Variants in HMCN2 observed in about 807,000 individuals in gnomAD.
HMCN2 encodes the protein hemicentin-2.
Under a neutral mutation model 377.5 loss-of-function variants are expected in HMCN2, and 325 were observed. That is an observed-to-expected ratio of 0.86 (90% confidence interval 0.79 to 0.94). HMCN2 has a LOEUF of 0.94. Ranked by LOEUF, HMCN2 falls within the 40% of genes least tolerant of loss-of-function variation. HMCN2 has a pLI of 0.00. For synonymous variants in HMCN2, 2,007 were observed against 2,046.8 expected (o/e 0.98, Z 0.53); for missense variants, 4,543 against 4,725.3 (o/e 0.96, Z 1.13).
rs1467872224 is a variant in HMCN2 at position 130,428,044 on chromosome 9, C to CCTG, written c.14066-312_14066-310dup. On this transcript the variant is annotated intron_variant, in intron 92 of 97. Transcript: ENST00000683500. This position sits in a 1 kb window ranked among gnomAD's most constrained non-coding sequence, Gnocchi z 5.0. ...CTGACGCTGACCCCCAGTCTGCATC[C>CCTG]CTGCACTCCCACCGGGAGGGCCTGG... is the stretch of plus-strand genomic sequence containing the variant. 6.6e-6 allele frequency among the ~76,000 whole-genome samples: 1 copy of CCTG among 152,188 alleles called. No individual in the cohort carries two copies. The highest frequency in any genetic ancestry group is 1.5e-5 in the Non-Finnish European group (1 of 68,026).
intron 49 of HMCN2, among the ~76,000 whole-genome samples, 160 bp downstream of exon 49, chr9:130,374,853 C>T (rs968121089): frequency 6.6e-6 from 1 of 152,202 alleles, no homozygotes; most frequent in African/African-American, 2.4e-5. Flanking sequence ...ATTGACGGAA[C>T]ATTTATTATG....
chr9:130,302,468 T>C (rs1482200779), intron 8 of HMCN2, among the ~76,000 whole-genome samples: 2 of 152,200 alleles, frequency 1.3e-5, no homozygotes, highest in African/African-American at 2.4e-5. Flanking sequence ...TCCTAGTTGG[T>C]AGCATTTCAT....
At chr9:130,359,998 T>G (rs1377729321) in intron 37 of HMCN2, among the ~76,000 whole-genome samples, 2 of 152,074 alleles carry the variant, frequency 1.3e-5, no homozygotes, top group Non-Finnish European at 2.9e-5. Flanking sequence ...GGCTGCTGCT[T>G]TGGGCTGGTC....
At chr9:130,322,587 C>T (rs937629568) in intron 19 of HMCN2, among the ~76,000 whole-genome samples, 2 of 152,132 alleles carry the variant, frequency 1.3e-5, no homozygotes, top group Non-Finnish European at 2.9e-5. Flanking sequence ...TCTGTACTCC[C>T]CCCGCCCAAC....
rs1349897528 is a variant in HMCN2, at chr9:130,408,781, G to A, written c.12727G>A (p.Val4243Met). The change falls in exon 84 of 98, where the codon GTG (valine) becomes ATG (methionine). Residue 4243 changes from valine to methionine, a missense_variant. Val to Met is a conservative substitution (Grantham distance 21). Coordinates refer to ENST00000683500, the MANE Select transcript of HMCN2 (RefSeq NM_001291815.2). The stretch of plus-strand genomic sequence containing the variant: ...ACAAGGGGAGGCTTTCTCCTACCTG[G>A]TGGAACCTGTAGGAGGCAGCATTCA... ...VLQGEAFSYL[V>M]EPVGGSIQLD... The A allele has an allele frequency of 3.1e-6, 4 of 1,289,602 alleles. No homozygotes were observed. Among genetic ancestry groups the A allele is most frequent in the Non-Finnish European group, 4.0e-6 (4 of 988,742 alleles). The allele number at this position is 1,289,602 out of a possible 1,614,324, so 79.9% of individuals were successfully genotyped here. A position where few individuals can be genotyped will look rare whatever the true frequency, so the allele number is the denominator to read the frequency against.
chr9:130,346,923 C>T (rs1055868081), intron 25 of HMCN2, among the ~76,000 whole-genome samples: 2 of 152,190 alleles, frequency 1.3e-5, no homozygotes, highest in Non-Finnish European at 1.5e-5. Context: ...CCTGCAGTCC[C>T]CGCCTTGGTC....
intron 1 of HMCN2, among the ~76,000 whole-genome samples, chr9:130,274,921 C>G (rs1483855375): frequency 6.6e-6 from 1 of 152,190 alleles, no homozygotes; most frequent in Admixed American, 6.5e-5. Flanking sequence ...TCAGTTTCTT[C>G]ACAATAAACA....
intron 43 of HMCN2, among the ~76,000 whole-genome samples, chr9:130,367,604 T>G (rs1260473498): frequency 1.3e-5 from 2 of 151,920 alleles, no homozygotes; most frequent in Non-Finnish European, 2.9e-5. Flanking sequence ...TCAGTAGCCT[T>G]TATTGAGCCT....
chr9:130,336,543 T>G (rs1376031804), intron 22 of HMCN2, among the ~76,000 whole-genome samples: 2 of 152,074 alleles, frequency 1.3e-5, no homozygotes, highest in African/African-American at 4.8e-5. Flanking sequence ...TTGCCCAACC[T>G]CACACAGCTA....
intron 85 of HMCN2, among the ~76,000 whole-genome samples, chr9:130,411,591 T>A (rs1588420017): frequency 3.3e-5 from 3 of 89,820 alleles, no homozygotes; most frequent in East Asian, 3.8e-4. Flanking sequence ...CAGGCAAGAC[T>A]CAATCTCAAA....
Position 130,418,813 on chromosome 9 carries a change from A to G in HMCN2, c.13003A>G (p.Arg4335Gly). 6.7e-7 allele frequency: 1 copy of G among 1,502,184 alleles called. No homozygotes were observed. Among genetic ancestry groups the G allele is most frequent in the African/African-American group, 1.4e-5 (1 of 71,940 alleles). 93.1% of individuals were successfully genotyped at this position (1,502,184 alleles called of 1,614,324 possible). A position where few individuals can be genotyped will look rare whatever the true frequency, so the allele number is the denominator to read the frequency against. Residue 4335 changes from arginine (R) to glycine (G), a missense_variant, in exon 86 of 98, where the codon AGA becomes GGA. Transcript: ENST00000683500. ...FQVEPQDMTV[R>G]SGDDVALRCQ... ...GGTGGAGCCCCAGGACATGACAGTGAGATCTGGGGATGACGTGGCCCTGCG... is the reference window on the plus strand; with the variant it reads ...GGTGGAGCCCCAGGACATGACAGTGGGATCTGGGGATGACGTGGCCCTGCG...
intron 1 of HMCN2, among the ~76,000 whole-genome samples, chr9:130,283,582 T>C (rs1835258319): frequency 6.6e-6 from 1 of 152,210 alleles, no homozygotes; most frequent in Non-Finnish European, 1.5e-5. Context: ...CTCAGACAGT[T>C]CCTTCCAAGT....
At chr9:130,430,007 A>G in intron 94 of HMCN2, 1 of 593,342 alleles carries the variant, frequency 1.7e-6, no homozygotes, top group Non-Finnish European at 2.9e-6. Flanking sequence ...TAGGAGAGGG[A>G]ATGGATCTAA....
In HMCN2 at chr9:130,358,455, G is replaced by C. The variant is rs924785189; in HGVS notation, c.5646G>C (p.Glu1882Asp). Reference sequence around the variant, plus strand: ...GTGCTGCTACCAACCTGGCTGGGGAGAGCAAGAGGGAAGTGGCGCTGAAAG... The same window carrying C: ...GTGCTGCTACCAACCTGGCTGGGGACAGCAAGAGGGAAGTGGCGCTGAAAG... ...YTCAATNLAG[E>D]SKREVALKVL... Residue 1882 changes from glutamate to aspartate, a missense_variant, in exon 36 of 98, where the codon GAG (glutamate) becomes GAC (aspartate). Coordinates refer to ENST00000683500, the MANE Select transcript of HMCN2 (RefSeq NM_001291815.2). 1.2e-5 allele frequency: 15 copies of C among 1,304,274 alleles called. No homozygotes were observed. Among genetic ancestry groups the C allele is most frequent in the Non-Finnish European group, 1.5e-5 (15 of 988,970 alleles). 80.8% of individuals were successfully genotyped at this position (1,304,274 alleles called of 1,614,324 possible).
Position 130,360,847 on chromosome 9 carries a change from A to G in HMCN2, c.5950+243A>G, listed in dbSNP as rs531433949. Reference sequence around the variant, plus strand: ...CATCCACCCATCCACTCATCCACCTATCCACCCATCCATCCATCAACTCAT... The same window carrying G: ...CATCCACCCATCCACTCATCCACCTGTCCACCCATCCATCCATCAACTCAT... On this transcript the variant is annotated intron_variant, in intron 38 of 97. Transcript: ENST00000683500. This position sits in a 1 kb window ranked among gnomAD's most constrained non-coding sequence, Gnocchi z 4.7. Among the ~76,000 whole-genome samples the G allele has an allele frequency of 1.0e-4, 15 of 148,432 alleles. No homozygotes were observed. Among genetic ancestry groups the G allele is most frequent in the Non-Finnish European group, 2.1e-4 (14 of 67,104 alleles).
At chr9:130,291,076 T>A (rs1835732178) in intron 4 of HMCN2, among the ~76,000 whole-genome samples, 1 of 152,208 alleles carries the variant, frequency 6.6e-6, no homozygotes, top group Non-Finnish European at 1.5e-5. Context: ...TACTTGGGGC[T>A]GAATGTGGCT....
chr9:130,380,376 C>G (rs567461349), intron 54 of HMCN2, among the ~76,000 whole-genome samples: 2 of 152,138 alleles, frequency 1.3e-5, no homozygotes, highest in African/African-American at 4.8e-5. Context: ...GTTTGAGATT[C>G]GAACTGTGTC....
rs753624042 is a variant in HMCN2, at chr9:130,407,667, T to C, written c.12650T>C (p.Val4217Ala). 13 of 1,268,136 alleles carry C rather than the reference T, an allele frequency of 1.0e-5. No individual in the cohort carries two copies. The South Asian group carries it at 1.5e-4, about 15-fold the overall frequency. The allele number at this position is 1,268,136 out of a possible 1,614,324, so 78.6% of individuals were successfully genotyped here. ...GTYVCWAENR[V>A]GRTQAVSFVH... ...TATGTCTGCTGGGCGGAGAACAGAG[T>C]GGGCCGCACGCAGGCGGTCAGCTTC... The change falls in exon 83 of 98, where the codon GTG (valine) becomes GCG (alanine). Residue 4217 changes from valine (V) to alanine (A), a missense_variant. Val to Ala is a moderately conservative substitution (Grantham distance 64). Around this residue, in one of 5 missense-constraint regions of HMCN2, gnomAD observed 1,073 missense variants for 1,319.5 expected, o/e 0.81. Coordinates refer to ENST00000683500, the MANE Select transcript of HMCN2 (RefSeq NM_001291815.2).
rs1588449806 is a variant in HMCN2, at chr9:130,428,999, G to A, written c.14197+510G>A. On this transcript the variant is annotated intron_variant, in intron 93 of 97. Coordinates refer to ENST00000683500, the MANE Select transcript of HMCN2 (RefSeq NM_001291815.2). The surrounding 1 kb of genome is among the most constrained non-coding windows in gnomAD (Gnocchi z 5.0). ...TGGCTGTAGGACCGTGGGTCCACCC[G>A]GCTCCTCTGAGAGACTGCACGGTGG... Among the ~76,000 whole-genome samples, 2 of 152,174 alleles carry A rather than the reference G, an allele frequency of 1.3e-5. No individual in the cohort carries two copies. The highest frequency in any genetic ancestry group is 1.9e-4 in the East Asian group (1 of 5,190).
Sources: gnomAD v4.1 joint callset for allele counts (sites outside exome capture counted in the v4.1 genomes callset) on GRCh38, gnomAD v4.1.1 for gene constraint, gnomAD v4.1.1 regional missense constraint, Gnocchi (gnomAD v3.1) non-coding constraint, MANE v1.5 for transcripts, NCBI Gene and HGNC (gene_info 2026-07-23, HGNC 2026-07-21) for gene names.